The following HIBCH variants were observed in gnomAD, a reference collection of about 807,000 sequenced individuals.
HIBCH encodes 3-hydroxyisobutyryl-CoA hydrolase.
A neutral mutation model predicts 58.2 loss-of-function variants in HIBCH; 50 were observed. The observed-to-expected ratio is 0.86, with a 90% CI of 0.68 to 1.09. The LOEUF (loss-of-function observed/expected upper bound fraction) is 1.09, where lower values mean the gene tolerates loss of function less well. HIBCH is among the 50% of genes least tolerant of loss of function. HIBCH has a pLI of 0.00. For missense variants in HIBCH, 450 were observed against 449.7 expected, an observed-to-expected ratio of 1.00 and a Z score of -0.01; for synonymous variants, 151 against 146.9, an observed-to-expected ratio of 1.03 and a Z score of -0.20.
At chr2:190,253,286 T>G (rs866430480) in intron 7 of HIBCH, among the ~76,000 whole-genome samples, 2 of 152,206 alleles carry the variant, frequency 1.3e-5, no homozygotes, top group Middle Eastern at 3.2e-3. Flanking sequence ...ACTGTGACCC[T>G]CTAGTTTTAT....
rs1387419666 is a variant in HIBCH, at chr2:190,206,986, G to A, written c.1046-1754C>T. On this transcript the variant is annotated intron_variant, in intron 13 of 13. Transcript: ENST00000359678. The surrounding 1 kb of genome is among the most constrained non-coding windows in gnomAD (Gnocchi z 5.1). ...TAAAAATACAAAAAAATTAGGCGTG[G>A]TGGCAGGCGCTTTTAGTCCCAGCTA... Among the ~76,000 whole-genome samples the A allele has an allele frequency of 6.6e-6, 1 of 152,094 alleles. No individual in the cohort carries two copies. Among genetic ancestry groups the A allele is most frequent in the Non-Finnish European group, 1.5e-5 (1 of 68,030 alleles).
chr2:190,300,202 C>T (rs563443837), intron 2 of HIBCH, among the ~76,000 whole-genome samples: 2 of 152,306 alleles, frequency 1.3e-5, no homozygotes, highest in Admixed American at 6.5e-5. Flanking sequence ...ACTGCTGGGT[C>T]GAATGACAGT....
intron 11 of HIBCH, among the ~76,000 whole-genome samples, chr2:190,239,531 T>C (rs1575716326): frequency 6.6e-6 from 1 of 152,198 alleles, no homozygotes; most frequent in Non-Finnish European, 1.5e-5. Context: ...TAGCACTGAA[T>C]CTAAAAATTA....
At chr2:190,199,664 A>G, downstream of HIBCH, 1 of 1,358,314 alleles carries the variant, frequency 7.4e-7, no homozygotes, top group Admixed American at 2.9e-5. Context: ...TGCATTCTGT[A>G]ACTTCAAAAT....
At chr2:190,264,889 G>A (rs370027788) in intron 6 of HIBCH, among the ~76,000 whole-genome samples, 85 of 152,106 alleles carry the variant, frequency 5.6e-4, no homozygotes, top group African/African-American at 2.0e-3. Context: ...TTGGGAGGCC[G>A]AGGTGGGCGG....
At chr2:190,286,530 T>C (rs1263614221) in intron 6 of HIBCH, among the ~76,000 whole-genome samples, 1 of 152,208 alleles carries the variant, frequency 6.6e-6, no homozygotes, top group Non-Finnish European at 1.5e-5. Flanking sequence ...ACTACCTTTC[T>C]AGGCTCAGTT....
At position 190,216,483 on chromosome 2, in the gene HIBCH, T is replaced by G. The variant is rs1685540500; in HGVS notation, c.892-3408A>C. Among the ~76,000 whole-genome samples the G allele has an allele frequency of 1.3e-5, 2 of 152,098 alleles. No homozygotes were observed. Among genetic ancestry groups the G allele is most frequent in the South Asian group, 2.1e-4 (1 of 4,818 alleles). On this transcript the variant is annotated intron_variant, in intron 11 of 13. Coordinates refer to ENST00000359678, the MANE Select transcript of HIBCH (RefSeq NM_014362.4). The surrounding 1 kb of genome is among the most constrained non-coding windows in gnomAD (Gnocchi z 4.2). ...GGCTATATAAGTTAGATCAGAGGGT[T>G]GTAAACTCAAATGACTACAGGGCCA... is the stretch of plus-strand genomic sequence containing the variant.
chr2:190,212,560 T>C (rs1471741099), intron 12 of HIBCH, among the ~76,000 whole-genome samples: 1 of 152,344 alleles, frequency 6.6e-6, no homozygotes, highest in Admixed American at 6.5e-5. Flanking sequence ...ATAACTTCCA[T>C]TTGTGCATTT....
chr2:190,303,767 T>G (rs1359553310), intron 2 of HIBCH, among the ~76,000 whole-genome samples: 1 of 152,164 alleles, frequency 6.6e-6, no homozygotes, highest in East Asian at 1.9e-4. Context: ...AGCAACTTTA[T>G]AGTGGAAAAC....
At chr2:190,276,782 A>G (rs910567125) in intron 6 of HIBCH, among the ~76,000 whole-genome samples, 11 of 152,162 alleles carry the variant, frequency 7.2e-5, no homozygotes, top group Non-Finnish European at 1.6e-4. Flanking sequence ...TAGGAACCCA[A>G]ACAGACTAAC....
At chr2:190,310,606 C>T (rs545382798) in intron 2 of HIBCH, 148 bp downstream of exon 2, 15 of 730,902 alleles carry the variant, frequency 2.1e-5, no homozygotes, top group East Asian at 7.6e-5. Context: ...CTACAAGGTG[C>T]GTGTGCCATG....
intron 11 of HIBCH, among the ~76,000 whole-genome samples, chr2:190,232,329 G>A (rs181142475): frequency 6.6e-6 from 1 of 152,162 alleles, no homozygotes; most frequent in African/African-American, 2.4e-5. Flanking sequence ...ATATATGCAA[G>A]CATAAGTCTT....
At chr2:190,269,944 A>G (rs562991382) in intron 6 of HIBCH, among the ~76,000 whole-genome samples, 7 of 152,282 alleles carry the variant, frequency 4.6e-5, no homozygotes, top group African/African-American at 1.7e-4. Context: ...TGAAGCTGGA[A>G]GCCATCATTC....
At chr2:190,285,768 G>A (rs1179658059) in intron 6 of HIBCH, among the ~76,000 whole-genome samples, 1 of 152,050 alleles carries the variant, frequency 6.6e-6, no homozygotes, top group Non-Finnish European at 1.5e-5. Context: ...GGAGGCCACT[G>A]TGACCTCCCC....
At chr2:190,237,059 T>C (rs1575714055) in intron 11 of HIBCH, among the ~76,000 whole-genome samples, 1 of 152,226 alleles carries the variant, frequency 6.6e-6, no homozygotes. Flanking sequence ...CATACATCTA[T>C]AGGCCAACTG....
chr2:190,229,561 G>A (rs968919088), intron 11 of HIBCH, among the ~76,000 whole-genome samples: 4 of 152,210 alleles, frequency 2.6e-5, no homozygotes, highest in Non-Finnish European at 5.9e-5. Context: ...GCAAGCCACA[G>A]ATGGCAACCA....
At position 190,274,852 on chromosome 2, in the gene HIBCH, A is replaced by G. The variant is rs564284120; in HGVS notation, c.438+12734T>C. Among the ~76,000 whole-genome samples the G allele has an allele frequency of 4.6e-5, 7 of 152,332 alleles. No individual in the cohort carries two copies. In the East Asian group the frequency reaches 1.3e-3, roughly 29 times the overall value. ...TCTCTGTTGATAGGAGTCTCTTGCAATTTGGTCATCCTTCTCTTCCCCAGA... is the reference window on the plus strand; with the variant it reads ...TCTCTGTTGATAGGAGTCTCTTGCAGTTTGGTCATCCTTCTCTTCCCCAGA... On this transcript the variant is annotated intron_variant, in intron 6 of 13. Transcript: ENST00000359678.
intron 4 of HIBCH, among the ~76,000 whole-genome samples, chr2:190,291,979 T>C (rs897148709): frequency 3.6e-4 from 53 of 146,180 alleles, no homozygotes; most frequent in Middle Eastern, 3.5e-3. Context: ...TAGAATTCTC[T>C]TGTTTGTTTT....
At chr2:190,283,387 G>A (rs750906980) in intron 6 of HIBCH, among the ~76,000 whole-genome samples, 6 of 152,132 alleles carry the variant, frequency 3.9e-5, no homozygotes, top group Non-Finnish European at 7.3e-5. Flanking sequence ...CTAGCCAATA[G>A]GGGAATGACA....
Sources: allele counts gnomAD v4.1 joint callset (sites outside exome capture counted in the v4.1 genomes callset), GRCh38; gene constraint gnomAD v4.1.1; non-coding constraint Gnocchi (gnomAD v3.1); transcripts MANE v1.5; gene names NCBI Gene and HGNC (gene_info 2026-07-23, HGNC 2026-07-21).